ZMYM4: variants seen among roughly 807,000 people sequenced by gnomAD.
ZMYM4 encodes zinc finger MYM-type protein 4.
Under a neutral mutation model 183.2 loss-of-function variants are expected in ZMYM4, and 31 were observed. The ratio of observed to expected loss-of-function variants is 0.17; its 90% confidence interval spans 0.13 to 0.23. The LOEUF (loss-of-function observed/expected upper bound fraction) is 0.23, where lower values mean the gene tolerates loss of function less well. Ranked by LOEUF, ZMYM4 falls within the 10% of genes least tolerant of loss-of-function variation. The pLI is 1.00. For missense variants in ZMYM4, 1,273 were observed against 1,840.3 expected (o/e 0.69, Z 5.64); for synonymous variants, 592 against 631.2 (o/e 0.94, Z 0.93).
chr1:35,391,899 G>C (rs1029014105), intron 15 of ZMYM4, among the ~76,000 whole-genome samples: 1 of 151,218 alleles, frequency 6.6e-6, no homozygotes, highest in Non-Finnish European at 1.5e-5. Context: ...AAATTAGCTG[G>C]GTGTGGTGCT....
At chr1:35,306,809 G>T (rs968531729) in intron 1 of ZMYM4, among the ~76,000 whole-genome samples, 1 of 152,094 alleles carries the variant, frequency 6.6e-6, no homozygotes, top group Non-Finnish European at 1.5e-5. Flanking sequence ...TCATCCTTCT[G>T]ATCTCATGGA....
intron 25 of ZMYM4, among the ~76,000 whole-genome samples, chr1:35,407,428 CAA>C (rs548295593): frequency 2.1e-4 from 16 of 77,456 alleles, no homozygotes; most frequent in East Asian, 3.7e-4. Flanking sequence ...AATTCCATCT[CAA>C]AAAAAAAAAA....
At chr1:35,297,172 CT>C (rs998332141) in intron 1 of ZMYM4, among the ~76,000 whole-genome samples, 2 of 151,064 alleles carry the variant, frequency 1.3e-5, no homozygotes, top group Admixed American at 6.6e-5. Context: ...TTCTTTCTTT[CT>C]TTTTTTTTGA....
chr1:35,344,930 A>G (rs946901764), intron 2 of ZMYM4, among the ~76,000 whole-genome samples: 4 of 152,172 alleles, frequency 2.6e-5, no homozygotes, highest in African/African-American at 4.8e-5. Context: ...TATTTACTCA[A>G]TTCACTAGTG....
intron 1 of ZMYM4, among the ~76,000 whole-genome samples, chr1:35,312,708 T>TTCCC (rs550163736): frequency 7.3e-5 from 11 of 151,578 alleles, no homozygotes; most frequent in Middle Eastern, 3.4e-3. Context: ...TTTCCCTTCT[T>TTCCC]TCCCTCCCTC....
At chr1:35,358,873 TGTG>T in intron 2 of ZMYM4, 49 bp from the exon 3 acceptor site, 1 of 1,452,524 alleles carries the variant, frequency 6.9e-7, no homozygotes, top group South Asian at 1.3e-5. Context: ...ACCTTATCAT[TGTG>T]GTCATCTTTA....
intron 7 of ZMYM4, among the ~76,000 whole-genome samples, chr1:35,371,096 T>C (rs1187186332): frequency 1.5e-5 from 2 of 130,258 alleles, no homozygotes; most frequent in Non-Finnish European, 3.2e-5. Flanking sequence ...TGTGTGTGTG[T>C]GTGTGTGTGT....
At chr1:35,353,618 A>C (rs918853104) in intron 2 of ZMYM4, among the ~76,000 whole-genome samples, 1 of 152,208 alleles carries the variant, frequency 6.6e-6, no homozygotes, top group African/African-American at 2.4e-5. Flanking sequence ...TTGTGCTTTC[A>C]GGTGTTTCAG....
At chr1:35,364,480 C>T (rs1367253127) in intron 5 of ZMYM4, among the ~76,000 whole-genome samples, 1 of 152,226 alleles carries the variant, frequency 6.6e-6, no homozygotes, top group Non-Finnish European at 1.5e-5. Context: ...CTTTTCCACA[C>T]CCGTCTCCAC....
intron 13 of ZMYM4, 142 bp from the exon 14 acceptor site, chr1:35,388,768 G>A: frequency 1.5e-6 from 1 of 683,824 alleles, no homozygotes; most frequent in Non-Finnish European, 2.4e-6. Context: ...AAACTCCTGG[G>A]CTCAAGCACT....
Position 35,387,191 on chromosome 1 carries a change from T to C in ZMYM4, c.2025T>C (p.His675=). The change falls in exon 12 of 30, where the codon CAT becomes CAC. Residue 675 remains histidine (H), a synonymous_variant. Coordinates refer to ENST00000314607, the MANE Select transcript of ZMYM4 (RefSeq NM_005095.3). ...AGCGTCTCGCTGCCCAGTCCCAGCA[T>C]GTTGGGTTTGCACGAAGTGTTGTGA... is the stretch of plus-strand genomic sequence containing the variant. ...GLQRLAAQSQ[H]VGFARSVVKL... 6.2e-7 allele frequency: 1 copy of C among 1,614,252 alleles called. No homozygotes were observed. Among genetic ancestry groups the C allele is most frequent in the Non-Finnish European group, 8.5e-7 (1 of 1,180,034 alleles).
In ZMYM4 at chr1:35,370,365, T is replaced by TTA; in HGVS notation, c.926-6_926-5insAT. ...TTTTTTTTTTTTTTTTTTTTTTTTT[T>TTA]TTAAAGCTCCACAGTTGACTACTGG... On this transcript the variant is annotated splice_region_variant and splice_polypyrimidine_tract_variant and intron_variant, in intron 6 of 29. Coordinates refer to ENST00000314607, the MANE Select transcript of ZMYM4 (RefSeq NM_005095.3). The TTA allele has an allele frequency of 1.4e-6, 2 of 1,432,308 alleles. No individual in the cohort carries two copies. The highest frequency in any genetic ancestry group is 1.8e-6 in the Non-Finnish European group (2 of 1,092,694). The allele number at this position is 1,432,308 out of a possible 1,614,324, so 88.7% of individuals were successfully genotyped here.
Position 35,347,850 on chromosome 1 carries a change from A to G in ZMYM4, c.86-11075A>G, listed in dbSNP as rs147160217. On this transcript the variant is annotated intron_variant, in intron 2 of 29. Coordinates refer to ENST00000314607, the MANE Select transcript of ZMYM4 (RefSeq NM_005095.3). ...TATTTATTATTTTGCTTATTATGTT[A>G]TTCTGCTTACAAAAGTAATATGCTC... Among the ~76,000 whole-genome samples the G allele has an allele frequency of 1.1e-3, 165 of 152,286 alleles. 1 individual carries two copies. The East Asian group carries it at 0.028, about 26-fold the overall frequency.
chr1:35,286,594 A>ATTT (rs35510573), intron 1 of ZMYM4, among the ~76,000 whole-genome samples: 4 of 117,568 alleles, frequency 3.4e-5, no homozygotes, highest in Non-Finnish European at 5.5e-5. Flanking sequence ...CTGTCTGCCT[A>ATTT]TTTTTTTTTT....
At chr1:35,279,989 C>A (rs1570234343) in intron 1 of ZMYM4, among the ~76,000 whole-genome samples, 1 of 152,182 alleles carries the variant, frequency 6.6e-6, no homozygotes, top group African/African-American at 2.4e-5. Context: ...GTATTTCTAC[C>A]ACCATGTCTT....
At chr1:35,370,727 C>CTTTTTT (rs3066096) in intron 7 of ZMYM4, 100 bp downstream of exon 7, 10 of 284,242 alleles carry the variant, frequency 3.5e-5, no homozygotes, top group Non-Finnish European at 4.4e-5. Flanking sequence ...ACATTTATTC[C>CTTTTTT]TTTTTTTTTT....
chr1:35,274,657 G>A (rs1245405207), intron 1 of ZMYM4, among the ~76,000 whole-genome samples: 5 of 148,966 alleles, frequency 3.4e-5, no homozygotes, highest in African/African-American at 1.2e-4. Context: ...CTAATACTGA[G>A]AATGATTCTG....
In ZMYM4 at chr1:35,398,969, A is replaced by G; in HGVS notation, c.3359A>G (p.Gln1120Arg). The change falls in exon 22 of 30, where the codon CAA (glutamine) becomes CGA (arginine). Residue 1120 changes from glutamine (Q) to arginine (R), a missense_variant. Gln to Arg is a conservative substitution (Grantham distance 43). Coordinates refer to ENST00000314607, the MANE Select transcript of ZMYM4 (RefSeq NM_005095.3). ...TATGCCTTAAAGTCAAATGCTGTGC[A>G]AGAGGCTGATTCAGAATTGAAGCAG... ...NHYALKSNAV[Q>R]EADSELKQFS... 6.2e-7 allele frequency: 1 copy of G among 1,614,174 alleles called. No individual in the cohort carries two copies. The highest frequency in any genetic ancestry group is 1.3e-5 in the African/African-American group (1 of 75,054).
intron 18 of ZMYM4, among the ~76,000 whole-genome samples, chr1:35,394,914 G>T (rs559877999): frequency 6.6e-6 from 1 of 152,068 alleles, no homozygotes; most frequent in Non-Finnish European, 1.5e-5. Flanking sequence ...AAGAGTTCAA[G>T]ACCAGCACGG....
Sources: allele counts gnomAD v4.1 joint callset (sites outside exome capture counted in the v4.1 genomes callset), GRCh38; gene constraint gnomAD v4.1.1; transcripts MANE v1.5; gene names NCBI Gene and HGNC (gene_info 2026-07-23, HGNC 2026-07-21).